Variants in IMMP2L observed in about 807,000 individuals in gnomAD.
The protein encoded by IMMP2L is inner mitochondrial membrane peptidase subunit 2.
In IMMP2L, 18 loss-of-function variants were observed where a neutral mutation model predicts 19.3. That is an observed-to-expected ratio of 0.93 (90% confidence interval 0.64 to 1.38). The LOEUF (loss-of-function observed/expected upper bound fraction) is 1.38, where lower values mean the gene tolerates loss of function less well. IMMP2L is among the 40% of genes most tolerant of loss of function. The pLI, the probability that IMMP2L is intolerant of heterozygous loss-of-function variation, is 0.00. For missense variants in IMMP2L, 233 were observed against 218.2 expected (o/e 1.07, Z -0.43); for synonymous variants, 76 against 73.0 (o/e 1.04, Z -0.21).
chr7:111,221,914 AC>A (rs1171097325), intron 3 of IMMP2L, among the ~76,000 whole-genome samples: 1 of 152,062 alleles, frequency 6.6e-6, no homozygotes, highest in African/African-American at 2.4e-5. Context: ...AAACGACAGA[AC>A]AAAGAGCAGA....
chr7:111,503,841 A>C (rs1242291105), intron 2 of IMMP2L, among the ~76,000 whole-genome samples: 2 of 152,156 alleles, frequency 1.3e-5, no homozygotes, highest in African/African-American at 4.8e-5. Flanking sequence ...AGAGCTATCT[A>C]TGACAAACCC....
intron 3 of IMMP2L, among the ~76,000 whole-genome samples, chr7:111,204,379 GCATATCAT>G (rs1236981372): frequency 4.6e-5 from 7 of 152,062 alleles, no homozygotes; most frequent in African/African-American, 1.4e-4. Context: ...AAAACCTAGA[GCATATCAT>G]CACCTCTGCA....
chr7:111,521,212 T>G, intron 2 of IMMP2L, 101 bp downstream of exon 2: 1 of 1,288,584 alleles, frequency 7.8e-7, no homozygotes, highest in Non-Finnish European at 1.1e-6. Context: ...TTTTATAACC[T>G]TTCAGTTCCC....
chr7:111,334,600 A>G (rs1826210688), intron 3 of IMMP2L, among the ~76,000 whole-genome samples: 1 of 152,116 alleles, frequency 6.6e-6, no homozygotes, highest in South Asian at 2.1e-4. Flanking sequence ...ATTCAGGGTA[A>G]TAAGCTAATT....
At chr7:111,006,614 C>T (rs1292158405) in intron 3 of IMMP2L, among the ~76,000 whole-genome samples, 1 of 152,042 alleles carries the variant, frequency 6.6e-6, no homozygotes, top group African/African-American at 2.4e-5. Context: ...ATCTAATGTC[C>T]CAAATTCCAT....
Position 110,870,531 on chromosome 7 carries a change from G to C in IMMP2L, c.408+16062C>G, listed in dbSNP as rs1043130092. On this transcript the variant is annotated intron_variant, in intron 5 of 5. Coordinates refer to ENST00000405709, the MANE Select transcript of IMMP2L (RefSeq NM_032549.4). This position sits in a 1 kb window ranked among gnomAD's most constrained non-coding sequence, Gnocchi z 4.2. Reference sequence around the variant, plus strand: ...GAAATAAAACAAGATAGTCATAGTAGCTAGAAGCAGGTGTGTGTGAGTGTG... The same window carrying C: ...GAAATAAAACAAGATAGTCATAGTACCTAGAAGCAGGTGTGTGTGAGTGTG... Among the ~76,000 whole-genome samples the C allele has an allele frequency of 6.6e-6, 1 of 152,056 alleles. No homozygotes were observed. Among genetic ancestry groups the C allele is most frequent in the African/African-American group, 2.4e-5 (1 of 41,418 alleles).
intron 3 of IMMP2L, chr7:111,124,612 T>C (rs575554869): frequency 6.2e-7 from 1 of 1,613,970 alleles, no homozygotes. Flanking sequence ...CACCAAAGGT[T>C]TGCACCCTGA....
At position 111,226,017 on chromosome 7, in the gene IMMP2L, C is replaced by A. The variant is rs1166854229; in HGVS notation, c.239+261221G>T. Among the ~76,000 whole-genome samples, 4 of 152,206 alleles carry A rather than the reference C, an allele frequency of 2.6e-5. No individual in the cohort carries two copies. The South Asian group carries it at 8.3e-4, about 32-fold the overall frequency. ...CTCATTTAATTTGGGTTTGAACAGA[C>A]AAATAATTCATACTCCAGAGCTCTC... is the stretch of plus-strand genomic sequence containing the variant. On this transcript the variant is annotated intron_variant, in intron 3 of 5. Coordinates refer to ENST00000405709, the MANE Select transcript of IMMP2L (RefSeq NM_032549.4).
At chr7:110,958,500 A>G (rs1236064634) in intron 4 of IMMP2L, among the ~76,000 whole-genome samples, 1 of 152,084 alleles carries the variant, frequency 6.6e-6, no homozygotes, top group Non-Finnish European at 1.5e-5. Flanking sequence ...TAAGGAGAGC[A>G]GATCACAGTT....
intron 4 of IMMP2L, among the ~76,000 whole-genome samples, chr7:110,938,523 A>C (rs1816360643): frequency 6.6e-6 from 1 of 152,176 alleles, no homozygotes; most frequent in Admixed American, 6.6e-5. Context: ...CAAGAAATCC[A>C]AACATACCCT....
intron 5 of IMMP2L, among the ~76,000 whole-genome samples, chr7:110,824,194 G>A (rs1023120416): frequency 1.3e-5 from 2 of 151,928 alleles, no homozygotes; most frequent in Non-Finnish European, 2.9e-5. Context: ...AAATGGATAC[G>A]TAAATAACAA....
chr7:111,214,328 CTTCT>C (rs1811660914), intron 3 of IMMP2L, among the ~76,000 whole-genome samples: 1 of 85,122 alleles, frequency 1.2e-5, no homozygotes, highest in African/African-American at 4.8e-5. Context: ...AGTAATTTTT[CTTCT>C]TTTTTTTTTT....
intron 4 of IMMP2L, among the ~76,000 whole-genome samples, chr7:110,931,123 G>GGA (rs1815434194): frequency 6.6e-6 from 1 of 152,136 alleles, no homozygotes; most frequent in Non-Finnish European, 1.5e-5. Flanking sequence ...ATGGTGGAAA[G>GGA]GAGAACATAT....
intron 3 of IMMP2L, chr7:111,391,777 A>G (rs1584924721): frequency 4.8e-6 from 3 of 627,252 alleles, no homozygotes; most frequent in African/African-American, 1.8e-5. Context: ...CAACTACGAT[A>G]AGAGTATGAG....
chr7:110,898,568 TG>T (rs1453686687), intron 4 of IMMP2L, among the ~76,000 whole-genome samples: 1 of 152,100 alleles, frequency 6.6e-6, no homozygotes, highest in East Asian at 1.9e-4. Context: ...TTGCATAGAT[TG>T]GGGAGGCAAA....
rs868182389 is a variant in IMMP2L, at chr7:110,894,829, T to C, written c.306-8134A>G. On this transcript the variant is annotated intron_variant, in intron 4 of 5. Transcript: ENST00000405709. ...GTTTTCTTCGTCTGGTTTTATACTT[T>C]TAGGCTATTTATAATAATTTTTATG... is the stretch of plus-strand genomic sequence containing the variant. Among the ~76,000 whole-genome samples the C allele has an allele frequency of 6.1e-4, 93 of 152,206 alleles. 1 individual carries two copies. The highest frequency in any genetic ancestry group is 2.2e-3 in the African/African-American group (92 of 41,466).
intron 3 of IMMP2L, among the ~76,000 whole-genome samples, chr7:110,981,251 C>A (rs1485657175): frequency 6.6e-6 from 1 of 151,316 alleles, no homozygotes; most frequent in Non-Finnish European, 1.5e-5. Context: ...ATATAAAAGA[C>A]AATTATCTGA....
intron 3 of IMMP2L, among the ~76,000 whole-genome samples, chr7:111,312,224 G>A (rs184224467): frequency 5.8e-4 from 88 of 152,174 alleles, no homozygotes; most frequent in African/African-American, 2.0e-3. Flanking sequence ...AAAGCACTGG[G>A]GAAACTGCAG....
intron 3 of IMMP2L, among the ~76,000 whole-genome samples, chr7:111,119,547 T>C (rs1800328763): frequency 6.6e-6 from 1 of 152,246 alleles, no homozygotes; most frequent in African/African-American, 2.4e-5. Context: ...GCCTGAATTT[T>C]AATCTCTGGA....
Sources: gnomAD v4.1 joint callset for allele counts (sites outside exome capture counted in the v4.1 genomes callset) on GRCh38, gnomAD v4.1.1 for gene constraint, Gnocchi (gnomAD v3.1) non-coding constraint, MANE v1.5 for transcripts, NCBI Gene and HGNC (gene_info 2026-07-23, HGNC 2026-07-21) for gene names.